The following LYST variants were observed in gnomAD, a reference collection of about 807,000 sequenced individuals.
LYST encodes the protein lysosomal-trafficking regulator.
In LYST, 192 loss-of-function variants were observed where a neutral mutation model predicts 413.6. The ratio of observed to expected loss-of-function variants is 0.46; its 90% CI spans 0.41 to 0.52. LYST has a LOEUF of 0.52. Ranked by LOEUF, LYST falls within the 20% of genes least tolerant of loss-of-function variation. The pLI is 0.00. For synonymous variants in LYST, 1,525 were observed against 1,567.3 expected (o/e 0.97, Z 0.64); for missense variants, 3,815 against 4,499.9 (o/e 0.85, Z 4.35).
At chr1:235,875,585 C>T (rs891376353) in intron 1 of LYST, among the ~76,000 whole-genome samples, 1 of 152,184 alleles carries the variant, frequency 6.6e-6, no homozygotes, top group African/African-American at 2.4e-5. Flanking sequence ...AGGAGTCCTG[C>T]CCCACACAAC....
Position 235,775,144 on chromosome 1 carries a change from A to C in LYST, c.5461-58T>G, listed in dbSNP as rs12081913. On this transcript the variant is annotated intron_variant, in intron 17 of 52. Transcript: ENST00000389793. ...CCCAATTTGCTGAGAGTAAAAATTTAACATGTATAATCTTCCATTCTGTAA... is the reference window on the plus strand; with the variant it reads ...CCCAATTTGCTGAGAGTAAAAATTTCACATGTATAATCTTCCATTCTGTAA... 7.6e-3 allele frequency: 9,390 copies of C among 1,237,618 alleles called. 478 individuals carry two copies. The African/African-American group carries it at 0.12, about 16-fold the overall frequency. The allele number at this position is 1,237,618 out of a possible 1,614,324, so 76.7% of individuals were successfully genotyped here.
In LYST at chr1:235,664,732, G is replaced by T; in HGVS notation, c.11039-111C>A. On this transcript the variant is annotated intron_variant, in intron 50 of 52. Transcript: ENST00000389793. This position sits in a 1 kb window ranked among gnomAD's most constrained non-coding sequence, Gnocchi z 4.5. ...GCAAGCTCATTTGTTTATTGATGAAGTTTGTAGACAACCCATGACTGAAGA... is the reference window on the plus strand; with the variant it reads ...GCAAGCTCATTTGTTTATTGATGAATTTTGTAGACAACCCATGACTGAAGA... 1.1e-6 allele frequency: 1 copy of T among 890,000 alleles called. No homozygotes were observed. Among genetic ancestry groups the T allele is most frequent in the Non-Finnish European group, 1.8e-6 (1 of 540,556 alleles). 55.1% of individuals were successfully genotyped at this position (890,000 alleles called of 1,614,324 possible). A position where few individuals can be genotyped will look rare whatever the true frequency, so the allele number is the denominator to read the frequency against.
chr1:235,723,617 G>A (rs927478588), intron 39 of LYST, among the ~76,000 whole-genome samples: 1 of 152,200 alleles, frequency 6.6e-6, no homozygotes, highest in African/African-American at 2.4e-5. Flanking sequence ...TAGCAACATA[G>A]AGGTTACCGA....
chr1:235,690,096 T>A (rs1170969541), intron 47 of LYST, among the ~76,000 whole-genome samples: 1 of 152,250 alleles, frequency 6.6e-6, no homozygotes. Context: ...TGTTATATCT[T>A]TAACATTGCG....
At chr1:235,710,737 C>T (rs1662343699) in intron 43 of LYST, among the ~76,000 whole-genome samples, 1 of 152,152 alleles carries the variant, frequency 6.6e-6, no homozygotes, top group Non-Finnish European at 1.5e-5. Flanking sequence ...AGGAAGAATA[C>T]AGTGGAAGTG....
At chr1:235,694,053 AG>A (rs1181262600) in intron 46 of LYST, among the ~76,000 whole-genome samples, 36 of 140,480 alleles carry the variant, frequency 2.6e-4, no homozygotes, top group Admixed American at 7.4e-5. Context: ...TCTGTCACCC[AG>A]GCTGAAGTGC....
rs71174466 is a variant in LYST at position 235,882,078 on chromosome 1, T to TCACACACACACACACA, written n.454+1093_454+1108dup. On this transcript the variant is annotated intron_variant and non_coding_transcript_variant, in intron 1 of 11. Transcript: ENST00000465349. ...CACATACACACACACACTCTTTCTT[T>TCACACACACACACACA]CACACACACACACACACACACACAC... Among the ~76,000 whole-genome samples the TCACACACACACACACA allele has an allele frequency of 7.0e-3, 1,026 of 145,800 alleles. 13 individuals carry two copies. Among genetic ancestry groups the TCACACACACACACACA allele is most frequent in the African/African-American group, 0.025 (961 of 38,936 alleles).
chr1:235,785,815 C>G (rs370217183), intron 14 of LYST, among the ~76,000 whole-genome samples: 4 of 152,162 alleles, frequency 2.6e-5, no homozygotes, highest in South Asian at 4.1e-4. Context: ...TACAATACTT[C>G]CCAATGCTTA....
At chr1:235,856,727 G>A (rs540990190) in intron 1 of LYST, among the ~76,000 whole-genome samples, 57 of 152,258 alleles carry the variant, frequency 3.7e-4, no homozygotes, top group Non-Finnish European at 6.2e-4. Flanking sequence ...AAGGCTAATA[G>A]AGAAATATTT....
In LYST at chr1:235,686,210, T is replaced by A. The variant is rs1296778361; in HGVS notation, c.10800+739A>T. On this transcript the variant is annotated intron_variant, in intron 48 of 52. Transcript: ENST00000389793. The surrounding 1 kb of genome is among the most constrained non-coding windows in gnomAD (Gnocchi z 4.0). ...GGCAAAACCCCATCTCTACTAAAAC[T>A]ACAAAACTTGGCCGGGCGTGGTGGC... Among the ~76,000 whole-genome samples, 5 of 151,494 alleles carry A rather than the reference T, an allele frequency of 3.3e-5. No individual in the cohort carries two copies. The highest frequency in any genetic ancestry group is 4.2e-4 in the South Asian group (2 of 4,790).
intron 38 of LYST, among the ~76,000 whole-genome samples, chr1:235,725,156 G>A (rs191743606): frequency 8.5e-5 from 13 of 152,304 alleles, no homozygotes; most frequent in African/African-American, 2.6e-4. Flanking sequence ...GGAATAGGCC[G>A]GGTGCGGTGG....
At chr1:235,750,781 A>C (rs1346935129) in intron 28 of LYST, among the ~76,000 whole-genome samples, 1 of 152,190 alleles carries the variant, frequency 6.6e-6, no homozygotes, top group Non-Finnish European at 1.5e-5. Context: ...TCCTGAGTAG[A>C]AACAGATTCT....
intron 14 of LYST, 52 bp from the exon 15 acceptor site, chr1:235,782,139 C>A (rs1167345817): frequency 2.1e-6 from 3 of 1,432,988 alleles, no homozygotes; most frequent in South Asian, 1.2e-5. Flanking sequence ...AAGTCTAGTA[C>A]TAAGTATTTT....
In LYST at chr1:235,832,373, T is replaced by C. The variant is rs371955503; in HGVS notation, c.-8+1205A>G. On this transcript the variant is annotated intron_variant, in intron 2 of 52. Transcript: ENST00000389793. The stretch of plus-strand genomic sequence containing the variant: ...AAAATTATGGGAATAATTAAGTCTA[T>C]CTTCTAGAAATTAAGAAAATGGAAA... Among the ~76,000 whole-genome samples, 15 of 152,316 alleles carry C rather than the reference T, an allele frequency of 9.8e-5. No individual in the cohort carries two copies. In the South Asian group the frequency reaches 1.5e-3, roughly 15 times the overall value.
intron 44 of LYST, among the ~76,000 whole-genome samples, chr1:235,705,993 A>G (rs972597747): frequency 6.6e-6 from 1 of 152,004 alleles, no homozygotes; most frequent in African/African-American, 2.4e-5. Context: ...GGGTTTTGCC[A>G]TGTTGGCCAG....
intron 47 of LYST, among the ~76,000 whole-genome samples, chr1:235,691,140 G>A (rs1022212271): frequency 5.9e-5 from 9 of 152,012 alleles, no homozygotes; most frequent in Admixed American, 2.0e-4. Flanking sequence ...GGATGGTCTC[G>A]ATCTCCTGAC....
At chr1:235,733,773 T>C in intron 33 of LYST, 57 bp downstream of exon 33, 1 of 1,495,386 alleles carries the variant, frequency 6.7e-7, no homozygotes, top group Non-Finnish European at 9.3e-7. Context: ...ACTAAAAGTA[T>C]ATGTGAAATC....
At chr1:235,841,748 GAGGTAAGGAGAATTGCAGATATAGAAAAC>G (rs1010223348) in intron 1 of LYST, among the ~76,000 whole-genome samples, 4 of 152,176 alleles carry the variant, frequency 2.6e-5, no homozygotes, top group Non-Finnish European at 5.9e-5. Context: ...TGAGGGAAAG[GAGGTAAGGAGAATTGCAGATATAGAAAAC>G]AGGTGGAAGG....
intron 48 of LYST, among the ~76,000 whole-genome samples, chr1:235,683,841 C>A (rs1660015804): frequency 6.6e-6 from 1 of 152,180 alleles, no homozygotes; most frequent in Admixed American, 6.5e-5. Flanking sequence ...GAACCACAAC[C>A]TTAGAGATGC....
Sources: gnomAD v4.1 joint callset for allele counts (sites outside exome capture counted in the v4.1 genomes callset) on GRCh38, gnomAD v4.1.1 for gene constraint, Gnocchi (gnomAD v3.1) non-coding constraint, MANE v1.5 for transcripts, NCBI Gene and HGNC (gene_info 2026-07-23, HGNC 2026-07-21) for gene names.